HTR5A: variants seen among roughly 807,000 people sequenced by gnomAD.
HTR5A encodes 5-HT-5.
HTR5A carries 21 observed loss-of-function variants against 24.3 expected under a neutral mutation model. That is an observed-to-expected ratio of 0.86 (90% confidence interval 0.61 to 1.24). HTR5A has a LOEUF of 1.24. HTR5A is among the 50% of genes most tolerant of loss of function. The probability of loss-of-function intolerance (pLI) is 0.00; values close to 1 mark genes in which losing one functional copy is unlikely to be tolerated. For synonymous variants in HTR5A, 260 were observed against 213.7 expected (o/e 1.22, Z -1.89); for missense variants, 497 against 489.5 (o/e 1.02, Z -0.15).
At chr7:155,080,062 G>C (rs1795399572) in intron 1 of HTR5A, among the ~76,000 whole-genome samples, 1 of 152,156 alleles carries the variant, frequency 6.6e-6, no homozygotes, top group Non-Finnish European at 1.5e-5. Context: ...ATGCCTTATA[G>C]AATAGTTCCT....
At chr7:155,075,860 C>T (rs1406363210) in intron 1 of HTR5A, among the ~76,000 whole-genome samples, 1 of 152,074 alleles carries the variant, frequency 6.6e-6, no homozygotes, top group Non-Finnish European at 1.5e-5. Context: ...AAAAAAAAAC[C>T]CTCTAGTTAT....
At position 155,071,285 on chromosome 7, in the gene HTR5A, T is replaced by TCCAAAG; in HGVS notation, c.387_388insCAAAGC (p.Ile129_Trp130insGlnSer). The TCCAAAG allele has an allele frequency of 6.2e-7, 1 of 1,608,938 alleles. No individual in the cohort carries two copies. Among genetic ancestry groups the TCCAAAG allele is most frequent in the South Asian group, 1.1e-5 (1 of 91,078 alleles). On this transcript the variant is annotated inframe_insertion, in exon 1 of 2. Coordinates refer to ENST00000287907, the MANE Select transcript of HTR5A (RefSeq NM_024012.4). ...GACGTGCTTTGCTGCACGGCCAGCATCTGGAACGTGACGGCCATAGCCCTG... is the reference window on the plus strand; with the variant it reads ...GACGTGCTTTGCTGCACGGCCAGCATCCAAAGCTGGAACGTGACGGCCATAGCCCTG...
At position 155,078,042 on chromosome 7, in the gene HTR5A, A is replaced by G. The variant is rs756257714; in HGVS notation, c.742-6113A>G. Among the ~76,000 whole-genome samples the G allele has an allele frequency of 2.5e-4, 38 of 152,154 alleles. 2 individuals are homozygous for G. Among genetic ancestry groups the G allele is most frequent in the Non-Finnish European group, 7.4e-5 (5 of 68,026 alleles). On this transcript the variant is annotated intron_variant, in intron 1 of 1. Transcript: ENST00000287907. ...AGTGGCTTTATTAGATAGATTGTAT[A>G]TAGTTGTCATTTTGCTTTTTGGCCA...
intron 1 of HTR5A, among the ~76,000 whole-genome samples, chr7:155,078,843 G>T (rs1304786161): frequency 1.4e-5 from 2 of 143,882 alleles, no homozygotes; most frequent in African/African-American, 2.5e-5. Context: ...TAAAAATTTT[G>T]TTTGATATTC....
Position 155,084,430 on chromosome 7 carries a change from G to C in HTR5A, c.1017G>C (p.Thr339=), listed in dbSNP as rs373904053. Residue 339 remains threonine, a synonymous_variant, in exon 2 of 2, where the codon ACG becomes ACC. Transcript: ENST00000287907. ...SNSFFNPLIY[T]AFNKNYNSAF... ...CCTTCTTTAACCCCCTGATCTATAC[G>C]GCTTTCAACAAGAACTACAACAGCG... 1.2e-6 allele frequency: 2 copies of C among 1,614,026 alleles called. No individual in the cohort carries two copies. The highest frequency in any genetic ancestry group is 8.5e-7 in the Non-Finnish European group (1 of 1,180,000).
intron 1 of HTR5A, among the ~76,000 whole-genome samples, chr7:155,078,505 G>T (rs920258433): frequency 1.3e-5 from 2 of 152,040 alleles, no homozygotes; most frequent in African/African-American, 4.8e-5. Flanking sequence ...TAGAAATAGG[G>T]TCTCACCATG....
chr7:155,081,546 T>G (rs1053302959), intron 1 of HTR5A, among the ~76,000 whole-genome samples: 1 of 152,378 alleles, frequency 6.6e-6, no homozygotes, highest in East Asian at 1.9e-4. Flanking sequence ...CAGAGATTAT[T>G]AGGAAAAATT....
chr7:155,075,707 A>G (rs1003431806), intron 1 of HTR5A, among the ~76,000 whole-genome samples: 2 of 152,192 alleles, frequency 1.3e-5, no homozygotes, highest in African/African-American at 4.8e-5. Context: ...GCTATAGGGT[A>G]AACTCTTCCA....
intron 1 of HTR5A, chr7:155,077,102 A>G (rs1795366597): frequency 6.6e-6 from 1 of 152,210 alleles, no homozygotes; most frequent in South Asian, 2.1e-4. Context: ...GAGATTCTAG[A>G]ACCATCAGTA....
intron 1 of HTR5A, among the ~76,000 whole-genome samples, chr7:155,078,751 C>CTTCTTTT (rs373271702): frequency 7.2e-6 from 1 of 139,198 alleles, no homozygotes; most frequent in African/African-American, 2.6e-5. Flanking sequence ...TTCTGTGCTT[C>CTTCTTTT]TTTTTTTTTT....
At position 155,071,196 on chromosome 7, in the gene HTR5A, G is replaced by T; in HGVS notation, c.297G>T (p.Val99=). 1 of 1,602,818 alleles carries T rather than the reference G, an allele frequency of 6.2e-7. No homozygotes were observed. Reference sequence around the variant, plus strand: ...CGCTGGTCATGCCGCTGAGCCTGGTGCACGAGCTGTCCGGGCGCCGCTGGC... The same window carrying T: ...CGCTGGTCATGCCGCTGAGCCTGGTTCACGAGCTGTCCGGGCGCCGCTGGC... ...VAALVMPLSL[V]HELSGRRWQL... is the part of the protein sequence containing the mutation. The change falls in exon 1 of 2, where the codon GTG becomes GTT. Residue 99 remains valine, a synonymous_variant. Transcript: ENST00000287907.
rs559717728 is a variant in HTR5A at position 155,085,519 on chromosome 7, G to A, written c.*1032G>A. 1.3e-5 allele frequency: 2 copies of A among 152,100 alleles called. No homozygotes were observed. The highest frequency in any genetic ancestry group is 6.6e-5 in the Admixed American group (1 of 15,264). The allele number at this position is 152,100 out of a possible 1,614,324, so 9.4% of individuals were successfully genotyped here. On this transcript the variant is annotated 3_prime_UTR_variant, in exon 2 of 2. Coordinates refer to ENST00000287907, the MANE Select transcript of HTR5A (RefSeq NM_024012.4). ...CCTGCTAGGAGGCCGAGGCTAGTAG[G>A]CAATGAAAAAGACAGAACAATGGTA... is the stretch of plus-strand genomic sequence containing the variant.
Position 155,084,479 on chromosome 7 carries a change from C to A in HTR5A, c.1066C>A (p.Gln356Lys). 1 of 1,609,896 alleles carries A rather than the reference C, an allele frequency of 6.2e-7. No homozygotes were observed. The highest frequency in any genetic ancestry group is 8.5e-7 in the Non-Finnish European group (1 of 1,177,162). The change falls in exon 2 of 2, where the codon CAA becomes AAA. Residue 356 changes from glutamine (Q) to lysine (K), a missense_variant. Coordinates refer to ENST00000287907, the MANE Select transcript of HTR5A (RefSeq NM_024012.4). Reference sequence around the variant, plus strand: ...CGCCTTCAAGAACTTCTTTTCTAGGCAACACTGAGGGAGAGGACCAGGATT... The same window carrying A: ...CGCCTTCAAGAACTTCTTTTCTAGGAAACACTGAGGGAGAGGACCAGGATT... Reference protein sequence around the residue: ...NSAFKNFFSRQH With the variant: ...NSAFKNFFSRKH
At chr7:155,071,745 G>C (rs1795298067) in intron 1 of HTR5A, 105 bp downstream of exon 1, 8 of 1,231,280 alleles carry the variant, frequency 6.5e-6, no homozygotes, top group Non-Finnish European at 9.0e-6. Flanking sequence ...GGAACTTTTT[G>C]TGTTTGGGAG....
Position 155,084,516 on chromosome 7 carries a change from C to T in HTR5A, c.*29C>T. 2 of 1,544,638 alleles carry T rather than the reference C, an allele frequency of 1.3e-6. No homozygotes were observed. The highest frequency in any genetic ancestry group is 2.4e-5 in the South Asian group (2 of 82,826). ...AGAGGACCAGGATTGAAAAAAGTTT[C>T]TTCCCATAATTCAGTGGAATTCCCA... On this transcript the variant is annotated 3_prime_UTR_variant, in exon 2 of 2. Transcript: ENST00000287907.
At chr7:155,082,271 A>G (rs1462035413) in intron 1 of HTR5A, among the ~76,000 whole-genome samples, 1 of 152,120 alleles carries the variant, frequency 6.6e-6, no homozygotes, top group Non-Finnish European at 1.5e-5. Flanking sequence ...CCACAGTGTG[A>G]ACAGCATCCA....
intron 1 of HTR5A, among the ~76,000 whole-genome samples, chr7:155,077,468 T>TTTTG (rs1160590836): frequency 6.6e-4 from 6 of 9,032 alleles, no homozygotes; most frequent in African/African-American, 7.2e-4. Context: ...TTTTTTTTGT[T>TTTTG]TTTTTTTTTT....
chr7:155,080,159 G>A (rs1313448875), intron 1 of HTR5A, among the ~76,000 whole-genome samples: 4 of 152,170 alleles, frequency 2.6e-5, no homozygotes, highest in African/African-American at 4.8e-5. Flanking sequence ...CACAAGCAAG[G>A]CAAGAGGCCA....
At chr7:155,081,964 C>T (rs1480656912) in intron 1 of HTR5A, among the ~76,000 whole-genome samples, 1 of 152,192 alleles carries the variant, frequency 6.6e-6, no homozygotes, top group African/African-American at 2.4e-5. Flanking sequence ...TTCTGAACAA[C>T]GTGGAGTTCT....
Sources: gnomAD v4.1 joint callset for allele counts (sites outside exome capture counted in the v4.1 genomes callset) on GRCh38, gnomAD v4.1.1 for gene constraint, MANE v1.5 for transcripts, NCBI Gene and HGNC (gene_info 2026-07-23, HGNC 2026-07-21) for gene names.